Variants in SEC62 observed in about 807,000 individuals in gnomAD.
SEC62 encodes translocation protein SEC62.
In SEC62, 10 loss-of-function variants were observed where a neutral mutation model predicts 47.5. The observed-to-expected ratio is 0.21, with a 90% CI of 0.13 to 0.36. SEC62 has a LOEUF of 0.36. Among genes scored for constraint, SEC62 ranks in the 10% least tolerant of loss-of-function variants. The pLI is 1.00. For missense variants in SEC62, 327 were observed against 464.1 expected, an observed-to-expected ratio of 0.70 and a Z score of 2.71; for synonymous variants, 136 against 150.5, an observed-to-expected ratio of 0.90 and a Z score of 0.71.
intron 7 of SEC62, among the ~76,000 whole-genome samples, chr3:169,991,878 G>GC (rs1252787785): frequency 6.6e-6 from 1 of 152,092 alleles, no homozygotes. Flanking sequence ...AAGTAGTAAT[G>GC]TATATACATG....
rs1326836876 is a variant in SEC62 at position 169,988,179 on chromosome 3, G to C, written c.611-61G>C. 4.4e-6 allele frequency: 7 copies of C among 1,579,188 alleles called. No homozygotes were observed. The East Asian group carries it at 1.3e-4, about 30-fold the overall frequency. On this transcript the variant is annotated intron_variant, in intron 6 of 7. Coordinates refer to ENST00000337002, the MANE Select transcript of SEC62 (RefSeq NM_003262.4). ...TTCCCCCAGGGATATGTTTCTGTTAGTGCAGCCATACCATTTAAGTTTTTA... is the reference window on the plus strand; with the variant it reads ...TTCCCCCAGGGATATGTTTCTGTTACTGCAGCCATACCATTTAAGTTTTTA...
chr3:169,996,514 T>C lies in SEC62; in HGVS notation c.*3451T>C, dbSNP rs762299685. The C allele has an allele frequency of 2.0e-5, 3 of 152,670 alleles. No homozygotes were observed. The highest frequency in any genetic ancestry group is 4.4e-5 in the Non-Finnish European group (3 of 68,096). The allele number at this position is 152,670 out of a possible 1,614,324, so 9.5% of individuals were successfully genotyped here. A position where few individuals can be genotyped will look rare whatever the true frequency, so the allele number is the denominator to read the frequency against. ...CAAATTGCTACATGTGCTGGATATCTCTTGTTTTCCCCTCCAGCTCCACTC... is the reference window on the plus strand; with the variant it reads ...CAAATTGCTACATGTGCTGGATATCCCTTGTTTTCCCCTCCAGCTCCACTC... On this transcript the variant is annotated 3_prime_UTR_variant, in exon 8 of 8. Coordinates refer to ENST00000337002, the MANE Select transcript of SEC62 (RefSeq NM_003262.4).
intron 1 of SEC62, among the ~76,000 whole-genome samples, chr3:169,967,491 G>T (rs1714563897): frequency 6.6e-6 from 1 of 152,060 alleles, no homozygotes; most frequent in Non-Finnish European, 1.5e-5. Context: ...TTTTCCGGGC[G>T]ACGTGGTGTA....
chr3:169,993,126 T>A lies in SEC62; in HGVS notation c.*63T>A, dbSNP rs1715287811. On this transcript the variant is annotated 3_prime_UTR_variant, in exon 8 of 8. Coordinates refer to ENST00000337002, the MANE Select transcript of SEC62 (RefSeq NM_003262.4). The stretch of plus-strand genomic sequence containing the variant: ...GGTTGGATTTTCTATGTTGGCTGAT[T>A]ACCATATTGAACACATGGCATTTGT... The A allele has an allele frequency of 1.1e-5, 13 of 1,198,828 alleles. No homozygotes were observed. Among genetic ancestry groups the A allele is most frequent in the Non-Finnish European group, 1.5e-5 (13 of 862,988 alleles). 74.3% of individuals were successfully genotyped at this position (1,198,828 alleles called of 1,614,324 possible).
chr3:169,979,540 C>T (rs1422913000), intron 3 of SEC62, among the ~76,000 whole-genome samples: 1 of 152,204 alleles, frequency 6.6e-6, no homozygotes, highest in African/African-American at 2.4e-5. Flanking sequence ...ATGTCGTCCT[C>T]AGTCTTGTGC....
At chr3:169,987,762 A>G (rs1282083893) in intron 6 of SEC62, among the ~76,000 whole-genome samples, 1 of 152,228 alleles carries the variant, frequency 6.6e-6, no homozygotes, top group Admixed American at 6.5e-5. Context: ...CATCTGTAGC[A>G]GAAATCACCT....
rs1559969370 is a variant in SEC62, at chr3:169,995,381, G to T, written c.*2318G>T. ...TTCTTAAAGTCAATGTATTAAATAA[G>T]GTATTTTTCCTTTTCCCTCTTACTG... On this transcript the variant is annotated 3_prime_UTR_variant, in exon 8 of 8. Transcript: ENST00000337002. 6.6e-6 allele frequency: 1 copy of T among 151,954 alleles called. No individual in the cohort carries two copies. The highest frequency in any genetic ancestry group is 2.4e-5 in the African/African-American group (1 of 41,382). The allele number at this position is 151,954 out of a possible 1,614,324, so 9.4% of individuals were successfully genotyped here. A position where few individuals can be genotyped will look rare whatever the true frequency, so the allele number is the denominator to read the frequency against.
chr3:169,988,157 C>T, intron 6 of SEC62, 83 bp from the exon 7 acceptor site: 2 of 1,477,174 alleles, frequency 1.4e-6, no homozygotes, highest in African/African-American at 1.4e-5. Context: ...TCAGTTTTTC[C>T]CCCAGGGATA....
intron 1 of SEC62, among the ~76,000 whole-genome samples, chr3:169,970,532 C>G (rs1410974358): frequency 2.0e-5 from 3 of 152,086 alleles, no homozygotes; most frequent in Admixed American, 6.5e-5. Context: ...ATGTCAAACT[C>G]TATCTTATTA....
intron 1 of SEC62, among the ~76,000 whole-genome samples, chr3:169,975,280 C>CA (rs5854360): frequency 0.3 from 21,322 of 70,154 alleles, 2,174 homozygotes; most frequent in South Asian, 0.36. Flanking sequence ...GACTCCATCT[C>CA]AAAAAAAAAA....
intron 6 of SEC62, among the ~76,000 whole-genome samples, chr3:169,987,448 T>A (rs1271978745): frequency 6.6e-5 from 10 of 152,178 alleles, no homozygotes; most frequent in Non-Finnish European, 1.5e-5. Flanking sequence ...AACTCTTTTA[T>A]AATAAGAGTA....
chr3:169,991,859 T>C (rs1715255175), intron 7 of SEC62, among the ~76,000 whole-genome samples: 1 of 152,246 alleles, frequency 6.6e-6, no homozygotes, highest in African/African-American at 2.4e-5. Flanking sequence ...TTTATTTCTT[T>C]TAAATCAGAA....
intron 6 of SEC62, among the ~76,000 whole-genome samples, chr3:169,987,717 C>T (rs925974657): frequency 7.9e-5 from 12 of 152,260 alleles, no homozygotes; most frequent in Non-Finnish European, 1.6e-4. Context: ...AAACTGGAGA[C>T]ACTTGTAAAC....
chr3:169,984,643 T>G (rs189883634), intron 5 of SEC62, among the ~76,000 whole-genome samples: 27 of 152,274 alleles, frequency 1.8e-4, no homozygotes, highest in African/African-American at 6.3e-4. Flanking sequence ...GTGAAATATC[T>G]TTTTTAAAAA....
chr3:169,982,175 A>G (rs951960665), intron 3 of SEC62, among the ~76,000 whole-genome samples: 16 of 152,192 alleles, frequency 1.1e-4, no homozygotes, highest in Non-Finnish European at 1.3e-4. Context: ...ACCTTAGTAT[A>G]TTTAATCATT....
intron 5 of SEC62, chr3:169,985,410 T>A (rs1307125397): frequency 6.5e-6 from 1 of 153,942 alleles, no homozygotes; most frequent in East Asian, 1.9e-4. Flanking sequence ...CCTGGCTAAT[T>A]TTTGTATTTT....
At chr3:169,986,495 ACAGTTG>A (rs1291281956) in intron 6 of SEC62, among the ~76,000 whole-genome samples, 1 of 152,178 alleles carries the variant, frequency 6.6e-6, no homozygotes, top group Non-Finnish European at 1.5e-5. Context: ...TGCCATAATC[ACAGTTG>A]CACAAACGTA....
intron 1 of SEC62, among the ~76,000 whole-genome samples, chr3:169,972,162 TC>T (rs1482198714): frequency 1.3e-5 from 2 of 152,228 alleles, no homozygotes; most frequent in African/African-American, 4.8e-5. Context: ...AAATCATTTT[TC>T]TAGTTATGTC....
rs1310957290 is a variant in SEC62 at position 169,996,368 on chromosome 3, C to G, written c.*3305C>G. The G allele has an allele frequency of 6.6e-6, 1 of 152,584 alleles. No homozygotes were observed. Among genetic ancestry groups the G allele is most frequent in the Non-Finnish European group, 1.5e-5 (1 of 68,026 alleles). The allele number at this position is 152,584 out of a possible 1,614,324, so 9.5% of individuals were successfully genotyped here. A position where few individuals can be genotyped will look rare whatever the true frequency, so the allele number is the denominator to read the frequency against. The stretch of plus-strand genomic sequence containing the variant: ...TTACTGTTTCCACAGTATTTCAGGT[C>G]TTTGCTCATTCACTCAGTAATACTG... On this transcript the variant is annotated 3_prime_UTR_variant, in exon 8 of 8. Coordinates refer to ENST00000337002, the MANE Select transcript of SEC62 (RefSeq NM_003262.4).
Sources: allele counts gnomAD v4.1 joint callset (sites outside exome capture counted in the v4.1 genomes callset), GRCh38; gene constraint gnomAD v4.1.1; transcripts MANE v1.5; gene names NCBI Gene and HGNC (gene_info 2026-07-23, HGNC 2026-07-21).